The following TBL1XR1 variants were observed in gnomAD, a reference collection of about 807,000 sequenced individuals.
TBL1XR1 encodes the protein TBL1X/Y related 1.
A neutral mutation model predicts 66.9 loss-of-function variants in TBL1XR1; 5 were observed. That is an observed-to-expected ratio of 0.07 (90% CI 0.04 to 0.16). TBL1XR1 has a LOEUF of 0.16. Ranked by LOEUF, TBL1XR1 falls within the 10% of genes least tolerant of loss-of-function variation. TBL1XR1 has a pLI of 1.00. For synonymous variants in TBL1XR1, 210 were observed against 206.0 expected, an observed-to-expected ratio of 1.02 and a Z score of -0.17; for missense variants, 238 against 623.2, an observed-to-expected ratio of 0.38 and a Z score of 6.58.
At chr3:177,069,793 A>AAAGGAAGGAAAGG (rs1719681952) in intron 2 of TBL1XR1, among the ~76,000 whole-genome samples, 77 of 92,406 alleles carry the variant, frequency 8.3e-4, no homozygotes, top group African/African-American at 2.6e-3. Flanking sequence ...AAAAGGAAGG[A>AAAGGAAGGAAAGG]AAGGAAGGAA....
intron 1 of TBL1XR1, among the ~76,000 whole-genome samples, chr3:177,105,178 G>C (rs565219477): frequency 3.7e-4 from 57 of 152,286 alleles, no homozygotes; most frequent in African/African-American, 1.1e-3. Flanking sequence ...AAAGTGAGTA[G>C]AGCATTAATG....
chr3:177,052,061 A>C (rs1482044287), intron 4 of TBL1XR1, among the ~76,000 whole-genome samples: 1 of 152,240 alleles, frequency 6.6e-6, no homozygotes, highest in Non-Finnish European at 1.5e-5. Flanking sequence ...CAAAGCAACA[A>C]ACAATATGGA....
intron 1 of TBL1XR1, among the ~76,000 whole-genome samples, chr3:177,117,465 G>C (rs753097318): frequency 6.6e-6 from 1 of 152,142 alleles, no homozygotes; most frequent in Non-Finnish European, 1.5e-5. Flanking sequence ...TATCTGCACA[G>C]TCTAAAATTT....
chr3:177,199,410 A>G (rs1284240384), upstream of TBL1XR1, among the ~76,000 whole-genome samples: 11 of 151,390 alleles, frequency 7.3e-5, no homozygotes, highest in Non-Finnish European at 1.2e-4. Context: ...TAAATGACGT[A>G]GATATCACTA....
intron 2 of TBL1XR1, among the ~76,000 whole-genome samples, chr3:177,092,884 A>T (rs1231314706): frequency 6.6e-6 from 1 of 152,144 alleles, no homozygotes; most frequent in East Asian, 1.9e-4. Flanking sequence ...AAGCAACCCA[A>T]ATGTCTACCA....
chr3:177,082,375 A>AT (rs1279048391), intron 2 of TBL1XR1, among the ~76,000 whole-genome samples: 1 of 152,062 alleles, frequency 6.6e-6, no homozygotes, highest in African/African-American at 2.4e-5. Context: ...TCAAAAAAAA[A>AT]TACCAGAGAG....
intron 13 of TBL1XR1, 100 bp downstream of exon 13, chr3:177,034,098 A>G (rs1576982219): frequency 1.5e-6 from 2 of 1,290,460 alleles, no homozygotes; most frequent in African/African-American, 1.5e-5. Flanking sequence ...AAAAAAAAAA[A>G]GTTTCCACTT....
intron 1 of TBL1XR1, among the ~76,000 whole-genome samples, chr3:177,181,545 A>G (rs933811834): frequency 6.6e-6 from 1 of 152,104 alleles, no homozygotes; most frequent in African/African-American, 2.4e-5. Flanking sequence ...GGAAAATACA[A>G]GATGTCCCCA....
intron 1 of TBL1XR1, chr3:177,171,482 T>C (rs1308969344): frequency 6.6e-6 from 1 of 151,510 alleles, no homozygotes; most frequent in Non-Finnish European, 1.5e-5. Context: ...GATCACGAGA[T>C]CAGTAGATCG....
chr3:177,161,373 CAT>C (rs537164005), intron 1 of TBL1XR1, among the ~76,000 whole-genome samples: 287 of 152,336 alleles, frequency 1.9e-3, no homozygotes, highest in Non-Finnish European at 3.1e-3. Context: ...ATTTCCCACA[CAT>C]ATCTCACATT....
chr3:177,129,700 TA>T (rs921709067), intron 1 of TBL1XR1, among the ~76,000 whole-genome samples: 4 of 151,526 alleles, frequency 2.6e-5, no homozygotes, highest in African/African-American at 7.3e-5. Flanking sequence ...AAGCATATCT[TA>T]AAAAAAAAGT....
At chr3:177,077,887 G>A (rs1179879458) in intron 2 of TBL1XR1, among the ~76,000 whole-genome samples, 1 of 152,218 alleles carries the variant, frequency 6.6e-6, no homozygotes, top group Non-Finnish European at 1.5e-5. Context: ...TTGACCAGAA[G>A]TCAGAACGTT....
intron 1 of TBL1XR1, among the ~76,000 whole-genome samples, chr3:177,170,761 T>C (rs991429569): frequency 1.3e-5 from 2 of 152,076 alleles, no homozygotes; most frequent in South Asian, 2.1e-4. Flanking sequence ...TGCACCACCA[T>C]GCCCAGCTAG....
intron 1 of TBL1XR1, among the ~76,000 whole-genome samples, chr3:177,175,344 G>C (rs1258042215): frequency 6.6e-6 from 1 of 152,196 alleles, no homozygotes; most frequent in African/African-American, 2.4e-5. Flanking sequence ...TGTGTTTGGT[G>C]ATATTATTTT....
intron 1 of TBL1XR1, among the ~76,000 whole-genome samples, chr3:177,110,557 G>C (rs985942496): frequency 1.3e-5 from 2 of 152,046 alleles, no homozygotes; most frequent in African/African-American, 4.8e-5. Context: ...AGGAGGCAAA[G>C]GATAAATGTC....
At chr3:177,082,123 T>C (rs904212706) in intron 2 of TBL1XR1, among the ~76,000 whole-genome samples, 5 of 152,164 alleles carry the variant, frequency 3.3e-5, no homozygotes, top group Non-Finnish European at 7.4e-5. Flanking sequence ...GTATCAGTAA[T>C]ATAGAATTCT....
At chr3:177,026,313 G>A in intron 15 of TBL1XR1, 60 bp downstream of exon 15, 1 of 1,296,068 alleles carries the variant, frequency 7.7e-7, no homozygotes, top group South Asian at 1.3e-5. Context: ...CTAACAATAA[G>A]CTGCATTCTG....
intron 1 of TBL1XR1, among the ~76,000 whole-genome samples, chr3:177,154,138 G>A (rs762456380): frequency 3.3e-5 from 5 of 151,880 alleles, no homozygotes; most frequent in Non-Finnish European, 7.4e-5. Flanking sequence ...ACTATATCCT[G>A]TTTAAAAGAA....
chr3:177,078,489 G>A (rs1010062784), intron 2 of TBL1XR1: 2 of 151,756 alleles, frequency 1.3e-5, no homozygotes, highest in African/African-American at 4.9e-5. Flanking sequence ...GGAGGCTGAG[G>A]TGGGAGGATC....
Sources: allele counts gnomAD v4.1 joint callset (sites outside exome capture counted in the v4.1 genomes callset), GRCh38; gene constraint gnomAD v4.1.1; transcripts MANE v1.5; gene names NCBI Gene and HGNC (gene_info 2026-07-23, HGNC 2026-07-21).